Variants in NEK10 observed in about 807,000 individuals in gnomAD.
NEK10 encodes the protein serine/threonine-protein kinase Nek10.
NEK10 carries 122 observed loss-of-function variants against 159.8 expected under a neutral mutation model. That is an observed-to-expected ratio of 0.76 (90% CI 0.66 to 0.89). The LOEUF is 0.89. Among genes scored for constraint, NEK10 ranks in the 40% least tolerant of loss-of-function variants. The pLI is 0.00. For missense variants in NEK10, 1,342 were observed against 1,323.1 expected (o/e 1.01, Z -0.22); for synonymous variants, 466 against 457.1 (o/e 1.02, Z -0.25).
intron 26 of NEK10, among the ~76,000 whole-genome samples, chr3:27,179,723 T>C (rs1947878425): frequency 6.6e-6 from 1 of 152,196 alleles, no homozygotes; most frequent in Admixed American, 6.5e-5. Flanking sequence ...TAAATGTATA[T>C]ACCAATATAT....
chr3:27,128,312 T>C (rs1942209176), intron 32 of NEK10, among the ~76,000 whole-genome samples: 1 of 152,200 alleles, frequency 6.6e-6, no homozygotes, highest in African/African-American at 2.4e-5. Flanking sequence ...TTAGCAAGAA[T>C]ATTTCATAGA....
Position 27,110,871 on chromosome 3 carries a change from A to G in NEK10, c.*401T>C, listed in dbSNP as rs1320134302. The stretch of plus-strand genomic sequence containing the variant: ...ACATATGGAAGGCTAGATGTCTTTA[A>G]ATATACTTTTAGCAATTCTGAGTAT... On this transcript the variant is annotated 3_prime_UTR_variant, in exon 36 of 36. Transcript: ENST00000691995. The G allele has an allele frequency of 6.3e-6, 1 of 157,860 alleles. No individual in the cohort carries two copies. Among genetic ancestry groups the G allele is most frequent in the African/African-American group, 2.4e-5 (1 of 41,706 alleles). 9.8% of individuals were successfully genotyped at this position (157,860 alleles called of 1,614,324 possible). A position where few individuals can be genotyped will look rare whatever the true frequency, so the allele number is the denominator to read the frequency against.
At chr3:27,230,742 C>T (rs1199404740) in intron 23 of NEK10, among the ~76,000 whole-genome samples, 1 of 151,924 alleles carries the variant, frequency 6.6e-6, no homozygotes, top group Non-Finnish European at 1.5e-5. Flanking sequence ...ACAAAACAGA[C>T]TTTAAAGCAA....
chr3:27,198,036 G>C (rs970627031), intron 25 of NEK10, among the ~76,000 whole-genome samples: 6 of 151,634 alleles, frequency 4.0e-5, no homozygotes, highest in Admixed American at 3.9e-4. Flanking sequence ...ATTTACAATT[G>C]CCAAAAAAAG....
intron 32 of NEK10, among the ~76,000 whole-genome samples, chr3:27,120,157 G>T (rs1941081836): frequency 6.6e-6 from 1 of 151,976 alleles, no homozygotes; most frequent in Non-Finnish European, 1.5e-5. Flanking sequence ...AAAAATACTG[G>T]CATGAAGCTG....
chr3:27,346,268 A>G, intron 3 of NEK10, 52 bp from the exon 4 acceptor site: 2 of 1,592,096 alleles, frequency 1.3e-6, no homozygotes, highest in Non-Finnish European at 1.7e-6. Flanking sequence ...AGCACGGGAT[A>G]AAGAAAGTAA....
chr3:27,243,851 G>A (rs1447696775), intron 23 of NEK10, among the ~76,000 whole-genome samples: 1 of 151,726 alleles, frequency 6.6e-6, no homozygotes, highest in African/African-American at 2.4e-5. Context: ...GTGTGTGTGT[G>A]TGTGTGTGTG....
At chr3:27,341,303 T>A (rs1226748458) in intron 5 of NEK10, among the ~76,000 whole-genome samples, 1 of 152,154 alleles carries the variant, frequency 6.6e-6, no homozygotes, top group Non-Finnish European at 1.5e-5. Flanking sequence ...ATCGCGTGAC[T>A]ATAGTTAACA....
chr3:27,282,559 T>TAACTGTGTTTTATATATATATATAC (rs1244802639), intron 22 of NEK10, among the ~76,000 whole-genome samples: 8 of 86,894 alleles, frequency 9.2e-5, no homozygotes, highest in African/African-American at 4.3e-4. Flanking sequence ...TATATATATA[T>TAACTGTGTTTTATATATATATATAC]ACATAACTGT....
intron 23 of NEK10, among the ~76,000 whole-genome samples, chr3:27,251,411 C>G (rs531680734): frequency 6.6e-6 from 1 of 152,082 alleles, no homozygotes; most frequent in East Asian, 1.9e-4. Context: ...TAGTACCATC[C>G]CTTTAGTGCT....
intron 26 of NEK10, among the ~76,000 whole-genome samples, chr3:27,185,903 G>A (rs929978248): frequency 2.6e-5 from 4 of 152,214 alleles, no homozygotes; most frequent in African/African-American, 9.7e-5. Flanking sequence ...TACTGAGAAT[G>A]AGAACTGAAA....
At chr3:27,120,452 A>C (rs1213534869) in intron 32 of NEK10, among the ~76,000 whole-genome samples, 2 of 151,264 alleles carry the variant, frequency 1.3e-5, no homozygotes, top group Non-Finnish European at 1.5e-5. Flanking sequence ...CCTCCCGAGT[A>C]GCTGGGATTA....
chr3:27,285,007 G>A (rs2042470599), intron 20 of NEK10, 46 bp from the exon 21 acceptor site: 1 of 1,490,850 alleles, frequency 6.7e-7, no homozygotes, highest in African/African-American at 1.4e-5. Flanking sequence ...ACTCAATACA[G>A]GCATCTTGAA....
intron 32 of NEK10, 68 bp downstream of exon 32, chr3:27,131,812 G>A: frequency 1.3e-6 from 1 of 761,864 alleles, no homozygotes; most frequent in East Asian, 2.6e-5. Flanking sequence ...AAGTAAAGGA[G>A]GTATAAAATG....
At chr3:27,114,310 A>G (rs2125407962) in intron 35 of NEK10, among the ~76,000 whole-genome samples, 1 of 152,306 alleles carries the variant, frequency 6.6e-6, no homozygotes, top group Non-Finnish European at 1.5e-5. Context: ...TTGAATAGAA[A>G]ATGAAAATTC....
chr3:27,140,385 C>T (rs1450061615), intron 31 of NEK10, among the ~76,000 whole-genome samples: 1 of 152,160 alleles, frequency 6.6e-6, no homozygotes, highest in Non-Finnish European at 1.5e-5. Context: ...TCCTCCAAAC[C>T]TCCCCCAAGG....
At chr3:27,325,731 C>A (rs2045956537) in intron 5 of NEK10, among the ~76,000 whole-genome samples, 1 of 152,186 alleles carries the variant, frequency 6.6e-6, no homozygotes, top group African/African-American at 2.4e-5. Context: ...TTCCCAAAGT[C>A]TTATACTCCT....
At chr3:27,322,146 T>TA (rs11393122) in intron 6 of NEK10, 31 bp downstream of exon 6, 437,647 of 978,370 alleles carry the variant, frequency 0.45, 58,929 homozygotes, top group African/African-American at 0.73. Flanking sequence ...TTATAACAAG[T>TA]AAAAAAAAAA....
At chr3:27,138,270 C>T (rs1943424583) in intron 31 of NEK10, among the ~76,000 whole-genome samples, 1 of 152,186 alleles carries the variant, frequency 6.6e-6, no homozygotes, top group African/African-American at 2.4e-5. Context: ...TGCTACCCAG[C>T]ACAATACCCT....
Sources: gnomAD v4.1 joint callset for allele counts (sites outside exome capture counted in the v4.1 genomes callset) on GRCh38, gnomAD v4.1.1 for gene constraint, MANE v1.5 for transcripts, NCBI Gene and HGNC (gene_info 2026-07-23, HGNC 2026-07-21) for gene names.